VPS39: variants seen among roughly 807,000 people sequenced by gnomAD.
VPS39 encodes VPS39 subunit of HOPS complex.
In VPS39, 70 loss-of-function variants were observed where a neutral mutation model predicts 121.0. The ratio of observed to expected loss-of-function variants is 0.58; its 90% confidence interval spans 0.48 to 0.71. VPS39 has a LOEUF of 0.71. VPS39 is among the 30% of genes least tolerant of loss of function. The pLI is 0.00. For synonymous variants in VPS39, 378 were observed against 398.1 expected (o/e 0.95, Z 0.60); for missense variants, 818 against 1,051.5 (o/e 0.78, Z 3.07).
At chr15:42,176,588 T>C (rs1679008) in intron 10 of VPS39, among the ~76,000 whole-genome samples, 18,444 of 150,328 alleles carry the variant, frequency 0.12, 1,311 homozygotes, top group South Asian at 0.24. Flanking sequence ...TATAGGACAA[T>C]GCATGAGTAG....
In VPS39 at chr15:42,163,333, T is replaced by G. The variant is rs201214739; in HGVS notation, c.2175+17A>C. On this transcript the variant is annotated intron_variant, in intron 21 of 24. Transcript: ENST00000318006. ...GAGGTATGCACACGTGCTCCCTGGG[T>G]CAGGGTCACTACTCACATCTTTGTT... is the stretch of plus-strand genomic sequence containing the variant. The G allele has an allele frequency of 3.7e-6, 6 of 1,614,144 alleles. No homozygotes were observed. The African/African-American group carries it at 5.3e-5, about 14-fold the overall frequency.
rs1418853727 is a variant in VPS39, at chr15:42,162,425, C to T, written c.2232G>A (p.Gly744=). 1.2e-6 allele frequency: 2 copies of T among 1,613,424 alleles called. No homozygotes were observed. Among genetic ancestry groups the T allele is most frequent in the East Asian group, 4.5e-5 (2 of 44,838 alleles). ...YLSPPSIHCL[G]PIKLELLEPK... ...GCTCCAGTAGTTCCAGCTTGATTGG[C>T]CCCAGGCAGTGAATGCTGGGGGGCG... is the stretch of plus-strand genomic sequence containing the variant. Residue 744 remains glycine (G), a synonymous_variant, in exon 22 of 25, where the codon GGG becomes GGA. Coordinates refer to ENST00000318006, the MANE Select transcript of VPS39 (RefSeq NM_015289.5).
At chr15:42,161,579 T>A (rs1448834280) in intron 24 of VPS39, 103 bp downstream of exon 24, 3 of 1,174,208 alleles carry the variant, frequency 2.6e-6, no homozygotes, top group Admixed American at 1.7e-5. Context: ...CCAGCAGCCA[T>A]GTTCTCCTTC....
chr15:42,167,625 A>G, intron 12 of VPS39, 88 bp from the exon 13 acceptor site: 1 of 1,518,402 alleles, frequency 6.6e-7, no homozygotes, highest in Non-Finnish European at 8.9e-7. Context: ...ACCTCCAATC[A>G]GCTCATGCCT....
At chr15:42,199,495 C>A (rs779867415) in intron 2 of VPS39, 11 of 423,506 alleles carry the variant, frequency 2.6e-5, no homozygotes, top group Non-Finnish European at 4.7e-5. Flanking sequence ...CATAAGCCAA[C>A]AAGATATTTT....
chr15:42,164,913 G>C, intron 18 of VPS39, 83 bp downstream of exon 18: 1 of 1,582,240 alleles, frequency 6.3e-7, no homozygotes. Flanking sequence ...AGGGTGGCCT[G>C]CTTACCCCCA....
intron 8 of VPS39, chr15:42,178,918 G>A (rs1472602678): frequency 4.9e-6 from 1 of 202,202 alleles, no homozygotes; most frequent in Non-Finnish European, 1.0e-5. Context: ...GAGGTGGGAA[G>A]ATCATTTAAG....
chr15:42,178,459 G>T lies in VPS39; in HGVS notation c.830C>A (p.Thr277Asn). The change falls in exon 9 of 25, where the codon ACC (threonine) becomes AAC (asparagine). Residue 277 changes from threonine (T) to asparagine (N), a missense_variant. Coordinates refer to ENST00000318006, the MANE Select transcript of VPS39 (RefSeq NM_015289.5). The stretch of plus-strand genomic sequence containing the variant: ...AAAAGAAATTCCTTACCCTCCTGAG[G>T]TAATGAAACGGGGCCTTTGCAATTC... The part of the protein sequence containing the change: ...SIELQRPRFI[T>N]SGGSNIIYVA... 1.2e-6 allele frequency: 2 copies of T among 1,614,176 alleles called. No individual in the cohort carries two copies. Among genetic ancestry groups the T allele is most frequent in the Non-Finnish European group, 1.7e-6 (2 of 1,180,036 alleles).
chr15:42,186,844 G>A (rs891973548), intron 7 of VPS39, among the ~76,000 whole-genome samples: 1 of 152,198 alleles, frequency 6.6e-6, no homozygotes, highest in Admixed American at 6.5e-5. Flanking sequence ...AAAAAATAGT[G>A]AGAATCACTT....
intron 23 of VPS39, 45 bp from the exon 24 acceptor site, chr15:42,161,818 C>T (rs1265881459): frequency 1.9e-6 from 3 of 1,608,078 alleles, no homozygotes; most frequent in Middle Eastern, 1.7e-4. Context: ...CAGTGTGGCA[C>T]CCAGAAACAG....
intron 10 of VPS39, 108 bp from the exon 11 acceptor site, chr15:42,173,960 A>T: frequency 7.2e-7 from 1 of 1,387,116 alleles, no homozygotes; most frequent in Middle Eastern, 2.2e-4. Context: ...AAAGTGTACA[A>T]GACAAGGCCG....
intron 1 of VPS39, among the ~76,000 whole-genome samples, chr15:42,207,108 A>G (rs1241379728): frequency 1.3e-5 from 2 of 152,216 alleles, no homozygotes; most frequent in Non-Finnish European, 2.9e-5. Flanking sequence ...GAAGTCATCA[A>G]GAACTCTGCA....
intron 8 of VPS39, among the ~76,000 whole-genome samples, chr15:42,179,636 A>T (rs1433971513): frequency 6.7e-6 from 1 of 148,818 alleles, no homozygotes; most frequent in African/African-American, 2.5e-5. Context: ...ATAAAAAATA[A>T]AAAAAAAAGA....
chr15:42,204,068 C>A (rs1213321895), intron 1 of VPS39, among the ~76,000 whole-genome samples: 4 of 152,244 alleles, frequency 2.6e-5, no homozygotes, highest in Non-Finnish European at 4.4e-5. Context: ...TCATAATTAC[C>A]CTAATGGAGC....
chr15:42,181,717 T>G (rs1195117862), intron 8 of VPS39, among the ~76,000 whole-genome samples: 1 of 152,156 alleles, frequency 6.6e-6, no homozygotes, highest in Non-Finnish European at 1.5e-5. Context: ...TATCCTTTTT[T>G]TTTTTTGAGA....
chr15:42,191,254 C>T (rs2049822244), intron 3 of VPS39, 87 bp from the exon 4 acceptor site: 1 of 1,474,060 alleles, frequency 6.8e-7, no homozygotes, highest in South Asian at 1.2e-5. Context: ...TAAAAAGGGA[C>T]CACGGAGCCT....
intron 9 of VPS39, 31 bp downstream of exon 9, chr15:42,178,419 T>C (rs1291831949): frequency 1.2e-6 from 2 of 1,614,018 alleles, no homozygotes; most frequent in African/African-American, 2.7e-5. Context: ...TGGGATAATA[T>C]ACAGCCATAG....
intron 24 of VPS39, 160 bp from the exon 25 acceptor site, chr15:42,160,989 T>C (rs2049116310): frequency 3.0e-6 from 2 of 659,968 alleles, no homozygotes; most frequent in South Asian, 1.8e-5. Flanking sequence ...TCTGGATTTC[T>C]GTAGCCATCA....
At chr15:42,167,570 G>A in intron 12 of VPS39, 33 bp from the exon 13 acceptor site, 5 of 1,608,354 alleles carry the variant, frequency 3.1e-6, no homozygotes, top group Admixed American at 1.7e-5. Flanking sequence ...TTAAGGCCAG[G>A]ACTAAGTCTT....
Sources: gnomAD v4.1 joint callset for allele counts (sites outside exome capture counted in the v4.1 genomes callset) on GRCh38, gnomAD v4.1.1 for gene constraint, MANE v1.5 for transcripts, NCBI Gene and HGNC (gene_info 2026-07-23, HGNC 2026-07-21) for gene names.